Variants in WDFY1 observed in about 807,000 individuals in gnomAD.
WDFY1 encodes WD repeat and FYVE domain-containing protein 1.
WDFY1 carries 32 observed loss-of-function variants against 56.4 expected under a neutral mutation model. The observed-to-expected ratio is 0.57, with a 90% CI of 0.43 to 0.76. The LOEUF is 0.76. WDFY1 is among the 30% of genes least tolerant of loss of function. WDFY1 has a pLI of 0.00. For missense variants in WDFY1, 480 were observed against 545.7 expected (o/e 0.88, Z 1.20); for synonymous variants, 192 against 197.3 (o/e 0.97, Z 0.23).
rs918004681 is a variant in WDFY1, at chr2:223,875,964, A to G, written c.*2707T>C. On this transcript the variant is annotated 3_prime_UTR_variant, in exon 12 of 12. Coordinates refer to ENST00000233055, the MANE Select transcript of WDFY1 (RefSeq NM_020830.5). The stretch of plus-strand genomic sequence containing the variant: ...AAACTGAATTCTTTCATGGGAGAAC[A>G]AAGTAATACATTCTAGAGCAATAGT... The G allele has an allele frequency of 1.3e-5, 2 of 152,202 alleles. No individual in the cohort carries two copies. Among genetic ancestry groups the G allele is most frequent in the African/African-American group, 4.8e-5 (2 of 41,460 alleles). 9.4% of individuals were successfully genotyped at this position (152,202 alleles called of 1,614,324 possible). A position where few individuals can be genotyped will look rare whatever the true frequency, so the allele number is the denominator to read the frequency against.
At position 223,896,155 on chromosome 2, in the gene WDFY1, C is replaced by CAAAAAAAAAAAAAAAAAAAAAAA. The variant is rs71058956; in HGVS notation, c.599-548_599-526dup. On this transcript the variant is annotated intron_variant, in intron 6 of 11. Transcript: ENST00000233055. The stretch of plus-strand genomic sequence containing the variant: ...TGGGTGACAGAGTGAGACTCTGTCT[C>CAAAAAAAAAAAAAAAAAAAAAAA]AAAAAAAAAAAAAAAAAAAAAAAAA... 2.3e-4 allele frequency among the ~76,000 whole-genome samples: 9 copies of CAAAAAAAAAAAAAAAAAAAAAAA among 39,836 alleles called. 2 individuals carry two copies. The highest frequency in any genetic ancestry group is 3.3e-4 in the Non-Finnish European group (8 of 24,078). 26.1% of individuals were successfully genotyped at this position (39,836 alleles called of 152,430 possible).
chr2:223,926,978 A>G (rs1693995786), intron 1 of WDFY1, among the ~76,000 whole-genome samples: 2 of 152,174 alleles, frequency 1.3e-5, no homozygotes, highest in African/African-American at 2.4e-5. Context: ...AACAAGCAAT[A>G]ATATTTTGAA....
At chr2:223,909,846 G>A (rs915846156) in intron 3 of WDFY1, among the ~76,000 whole-genome samples, 7 of 152,138 alleles carry the variant, frequency 4.6e-5, no homozygotes, top group African/African-American at 1.2e-4. Flanking sequence ...CACTCTGGCC[G>A]TGCCTCAATC....
chr2:223,910,215 T>C (rs1693671223), intron 3 of WDFY1, among the ~76,000 whole-genome samples: 1 of 152,122 alleles, frequency 6.6e-6, no homozygotes, highest in African/African-American at 2.4e-5. Flanking sequence ...TACAGAAGAA[T>C]AAATGTGGAA....
At chr2:223,897,577 C>T (rs1260354411) in intron 6 of WDFY1, among the ~76,000 whole-genome samples, 1 of 151,596 alleles carries the variant, frequency 6.6e-6, no homozygotes, top group Non-Finnish European at 1.5e-5. Flanking sequence ...GATGGGGTTT[C>T]GCCATGTTGC....
At chr2:223,883,311 G>A (rs992628371) in intron 9 of WDFY1, among the ~76,000 whole-genome samples, 2 of 152,180 alleles carry the variant, frequency 1.3e-5, no homozygotes, top group African/African-American at 4.8e-5. Flanking sequence ...TTACAAAATA[G>A]TCCAATTATT....
At chr2:223,911,628 G>A (rs1693704533) in intron 3 of WDFY1, among the ~76,000 whole-genome samples, 1 of 145,574 alleles carries the variant, frequency 6.9e-6, no homozygotes, top group Non-Finnish European at 1.5e-5. Flanking sequence ...AGTGACAGAG[G>A]CTCTCCACCA....
chr2:223,921,862 G>A (rs894669065), intron 1 of WDFY1, among the ~76,000 whole-genome samples: 8 of 152,226 alleles, frequency 5.3e-5, no homozygotes, highest in African/African-American at 9.6e-5. Flanking sequence ...CATCCTCAGC[G>A]TGACTACCAC....
intron 1 of WDFY1, among the ~76,000 whole-genome samples, chr2:223,931,091 T>C (rs901121733): frequency 1.3e-5 from 2 of 152,242 alleles, no homozygotes; most frequent in Non-Finnish European, 2.9e-5. Flanking sequence ...ACCATAGGAA[T>C]CTGAGGTTAA....
intron 3 of WDFY1, 101 bp from the exon 4 acceptor site, chr2:223,906,102 T>C: frequency 1.1e-6 from 1 of 892,360 alleles, no homozygotes; most frequent in Non-Finnish European, 1.6e-6. Context: ...AAAATGATTA[T>C]CACAAGACCT....
chr2:223,894,331 A>G lies in WDFY1; in HGVS notation c.734T>C (p.Val245Ala). The G allele has an allele frequency of 6.2e-7, 1 of 1,614,170 alleles. No individual in the cohort carries two copies. Among genetic ancestry groups the G allele is most frequent in the African/African-American group, 1.3e-5 (1 of 75,060 alleles). ...TLLLQGHHDK[V>A]QSLCYLQLTR... is the part of the protein sequence containing the mutation. ...GAGCTGAAGGTAGCACAGCGACTGC[A>G]CCTTGTCACTGCAAACAGCACACAC... is the stretch of plus-strand genomic sequence containing the variant. Residue 245 changes from valine to alanine, a missense_variant, in exon 8 of 12, where the codon GTG becomes GCG. Val to Ala is a moderately conservative substitution (Grantham distance 64). Transcript: ENST00000233055.
At chr2:223,905,899 T>C (rs374059448) in intron 4 of WDFY1, 48 bp downstream of exon 4, 6 of 1,307,552 alleles carry the variant, frequency 4.6e-6, no homozygotes, top group Admixed American at 2.8e-5. Flanking sequence ...TCTAGTTTTG[T>C]GTATGTCTAC....
At chr2:223,902,810 A>G (rs1247348507) in intron 4 of WDFY1, among the ~76,000 whole-genome samples, 2 of 150,898 alleles carry the variant, frequency 1.3e-5, no homozygotes, top group African/African-American at 4.9e-5. Context: ...ATATACGCCT[A>G]AAGTCTAATA....
intron 11 of WDFY1, among the ~76,000 whole-genome samples, chr2:223,879,042 C>T (rs1019081511): frequency 2.0e-5 from 3 of 152,100 alleles, no homozygotes; most frequent in African/African-American, 4.8e-5. Flanking sequence ...CAGAAATTAG[C>T]CTGGTGTGGT....
Position 223,905,683 on chromosome 2 carries a change from CA to C in WDFY1, c.334+263del, listed in dbSNP as rs376182287. 7.5e-3 allele frequency among the ~76,000 whole-genome samples: 1,093 copies of C among 146,422 alleles called. 18 individuals are homozygous for C. The highest frequency in any genetic ancestry group is 0.024 in the African/African-American group (976 of 39,904). ...ATGTATGAAGAGTAGTGTGTGTTAT[CA>C]AAAAAAAAATGGAAGCAGTACACAT... On this transcript the variant is annotated intron_variant, in intron 4 of 11. Coordinates refer to ENST00000233055, the MANE Select transcript of WDFY1 (RefSeq NM_020830.5).
chr2:223,884,627 G>T lies in WDFY1; in HGVS notation c.933+21C>A. On this transcript the variant is annotated intron_variant, in intron 9 of 11. Coordinates refer to ENST00000233055, the MANE Select transcript of WDFY1 (RefSeq NM_020830.5). ...TGAAATACACAATCAAGCCAGAGAT[G>T]ACTCGACAGTGGCTACTCACTTGTC... is the stretch of plus-strand genomic sequence containing the variant. 3 of 1,608,776 alleles carry T rather than the reference G, an allele frequency of 1.9e-6. No homozygotes were observed. The South Asian group carries it at 3.3e-5, about 18-fold the overall frequency.
chr2:223,896,149 C>CT (rs1206887376), intron 6 of WDFY1, among the ~76,000 whole-genome samples: 1 of 20,502 alleles, frequency 4.9e-5, no homozygotes, highest in Non-Finnish European at 7.8e-5. Flanking sequence ...GAGTGAGACT[C>CT]TGTCTCAAAA....
intron 1 of WDFY1, among the ~76,000 whole-genome samples, chr2:223,933,748 C>A (rs957704213): frequency 6.6e-5 from 10 of 151,448 alleles, no homozygotes; most frequent in African/African-American, 2.4e-4. Context: ...CTTGAGCCCA[C>A]GAGTTCAAGA....
chr2:223,889,278 G>C (rs1000028110), intron 8 of WDFY1, among the ~76,000 whole-genome samples: 5 of 152,122 alleles, frequency 3.3e-5, no homozygotes, highest in Admixed American at 6.6e-5. Flanking sequence ...CAAAGTCTAG[G>C]AGTCAGATCT....
Sources: gnomAD v4.1 joint callset for allele counts (sites outside exome capture counted in the v4.1 genomes callset) on GRCh38, gnomAD v4.1.1 for gene constraint, MANE v1.5 for transcripts, NCBI Gene and HGNC (gene_info 2026-07-23, HGNC 2026-07-21) for gene names.